The following TRIM44 variants were observed in gnomAD, a reference collection of about 807,000 sequenced individuals.
TRIM44 encodes the protein tripartite motif containing 44, also known as tripartite motif-containing protein 44.
In TRIM44, 13 loss-of-function variants were observed where a neutral mutation model predicts 37.4. The observed-to-expected ratio is 0.35, with a 90% confidence interval of 0.23 to 0.55. TRIM44 has a LOEUF of 0.55. Among genes scored for constraint, TRIM44 ranks in the 20% least tolerant of loss-of-function variants. The pLI, the probability that TRIM44 is intolerant of heterozygous loss-of-function variation, is 0.89. For missense variants in TRIM44, 426 were observed against 437.2 expected (o/e 0.97, Z 0.23); for synonymous variants, 175 against 157.2 (o/e 1.11, Z -0.85).
intron 4 of TRIM44, among the ~76,000 whole-genome samples, chr11:35,739,569 C>T (rs1852365251): frequency 6.6e-6 from 1 of 152,112 alleles, no homozygotes; most frequent in Admixed American, 6.5e-5. Flanking sequence ...TGCTTCCGCT[C>T]TCAGCCTCTG....
At chr11:35,794,274 A>G (rs1350354611) in intron 4 of TRIM44, among the ~76,000 whole-genome samples, 4 of 152,182 alleles carry the variant, frequency 2.6e-5, no homozygotes, top group African/African-American at 7.2e-5. Flanking sequence ...CTCTCCCTTC[A>G]TAGACTGTTA....
intron 4 of TRIM44, among the ~76,000 whole-genome samples, chr11:35,751,820 C>G (rs1852562683): frequency 6.6e-6 from 1 of 152,140 alleles, no homozygotes; most frequent in African/African-American, 2.4e-5. Flanking sequence ...GATTCAGCAC[C>G]TTTACAATTT....
chr11:35,713,828 ACG>A (rs1362559440), intron 2 of TRIM44, among the ~76,000 whole-genome samples: 2 of 152,142 alleles, frequency 1.3e-5, no homozygotes, highest in African/African-American at 2.4e-5. Context: ...GGAGCCAACT[ACG>A]CCCATAGACT....
chr11:35,764,624 A>G (rs1273660132), intron 4 of TRIM44, among the ~76,000 whole-genome samples: 4 of 152,168 alleles, frequency 2.6e-5, no homozygotes, highest in African/African-American at 9.7e-5. Flanking sequence ...TCGGCATCAC[A>G]TCACAGTTGT....
At chr11:35,691,539 T>C (rs566593654) in intron 2 of TRIM44, among the ~76,000 whole-genome samples, 97 of 152,366 alleles carry the variant, frequency 6.4e-4, no homozygotes, top group African/African-American at 2.3e-3. Context: ...ACCTTAAACG[T>C]GTGCAGGACA....
chr11:35,696,229 C>T (rs926177027), intron 2 of TRIM44, among the ~76,000 whole-genome samples: 8 of 151,038 alleles, frequency 5.3e-5, no homozygotes, highest in Admixed American at 1.3e-4. Flanking sequence ...CTGCAAGCTC[C>T]GCCTCGGGTT....
chr11:35,802,327 G>A (rs911373187), intron 4 of TRIM44, among the ~76,000 whole-genome samples: 3 of 152,096 alleles, frequency 2.0e-5, no homozygotes, highest in Non-Finnish European at 4.4e-5. Flanking sequence ...TATTGCTTGC[G>A]GTTCTCTCAT....
intron 2 of TRIM44, among the ~76,000 whole-genome samples, chr11:35,717,066 T>C (rs1852047360): frequency 6.6e-6 from 1 of 152,142 alleles, no homozygotes; most frequent in African/African-American, 2.4e-5. Flanking sequence ...GTTTGGATAA[T>C]AGAAATGTAT....
intron 4 of TRIM44, among the ~76,000 whole-genome samples, chr11:35,740,108 A>AC (rs1852374702): frequency 6.6e-6 from 1 of 150,482 alleles, no homozygotes; most frequent in African/African-American, 2.5e-5. Context: ...AAAAAAAAAA[A>AC]AAAAAAAAAA....
chr11:35,741,445 T>A (rs1392374092), intron 4 of TRIM44, among the ~76,000 whole-genome samples: 2 of 152,194 alleles, frequency 1.3e-5, no homozygotes, highest in African/African-American at 2.4e-5. Context: ...AACCAGAGAT[T>A]CCATTCACAG....
chr11:35,768,148 G>A (rs1237052423), intron 4 of TRIM44, among the ~76,000 whole-genome samples: 1 of 152,130 alleles, frequency 6.6e-6, no homozygotes, highest in African/African-American at 2.4e-5. Flanking sequence ...TTTGATTGTG[G>A]GTAGCCCAAA....
chr11:35,768,530 A>G (rs904296465), intron 4 of TRIM44, among the ~76,000 whole-genome samples: 1 of 152,152 alleles, frequency 6.6e-6, no homozygotes, highest in Non-Finnish European at 1.5e-5. Context: ...TGGCCCTTGG[A>G]TCCCTGAAGG....
chr11:35,709,396 G>C (rs1248429101), intron 2 of TRIM44, among the ~76,000 whole-genome samples: 3 of 152,030 alleles, frequency 2.0e-5, no homozygotes, highest in African/African-American at 7.2e-5. Flanking sequence ...TCCTACCTAA[G>C]TGGGCAAGAA....
At chr11:35,719,499 C>T (rs1230775587) in intron 2 of TRIM44, among the ~76,000 whole-genome samples, 1 of 151,710 alleles carries the variant, frequency 6.6e-6, no homozygotes, top group African/African-American at 2.4e-5. Flanking sequence ...AGTATTTTTC[C>T]CAGTCTGTGG....
At chr11:35,708,992 CA>C (rs200530093) in intron 2 of TRIM44, among the ~76,000 whole-genome samples, 8,442 of 118,126 alleles carry the variant, frequency 0.071, 264 homozygotes, top group East Asian at 0.093. Flanking sequence ...GCCCCCCCCC[CA>C]AAAAAAAAGA....
chr11:35,786,096 T>C (rs1853127956), intron 4 of TRIM44, among the ~76,000 whole-genome samples: 1 of 152,218 alleles, frequency 6.6e-6, no homozygotes, highest in Admixed American at 6.5e-5. Flanking sequence ...AACTTAGGTA[T>C]TTTCCAAAAC....
At chr11:35,805,363 G>A (rs1361349457) in intron 4 of TRIM44, among the ~76,000 whole-genome samples, 1 of 152,174 alleles carries the variant, frequency 6.6e-6, no homozygotes, top group East Asian at 1.9e-4. Context: ...TTCTGAGTGT[G>A]CTCATTCCTG....
chr11:35,666,867 A>T (rs1408855905), intron 1 of TRIM44, among the ~76,000 whole-genome samples: 2 of 152,248 alleles, frequency 1.3e-5, no homozygotes, highest in Non-Finnish European at 2.9e-5. Context: ...TATCTTACAT[A>T]TCCTAATAAT....
chr11:35,803,069 A>G (rs1369496797), intron 4 of TRIM44, among the ~76,000 whole-genome samples: 1 of 152,130 alleles, frequency 6.6e-6, no homozygotes, highest in East Asian at 1.9e-4. Context: ...TTTCACAGTA[A>G]CCCTGGAAGA....
Sources: gnomAD v4.1 joint callset for allele counts (sites outside exome capture counted in the v4.1 genomes callset) on GRCh38, gnomAD v4.1.1 for gene constraint, MANE v1.5 for transcripts, NCBI Gene and HGNC (gene_info 2026-07-23, HGNC 2026-07-21) for gene names.